Variants in BRF1 observed in about 807,000 individuals in gnomAD.
BRF1 encodes transcription factor IIIB 90 kDa subunit.
A neutral mutation model predicts 81.7 loss-of-function variants in BRF1; 59 were observed. The observed-to-expected ratio is 0.72, with a 90% CI of 0.59 to 0.90. The LOEUF (loss-of-function observed/expected upper bound fraction) is 0.90. Among genes scored for constraint, BRF1 ranks in the 40% least tolerant of loss-of-function variants. The pLI is 0.00. For missense variants in BRF1, 1,050 were observed against 936.3 expected (o/e 1.12, Z -1.58); for synonymous variants, 491 against 395.6 (o/e 1.24, Z -2.86).
In BRF1 at chr14:105,221,924, C is replaced by T; in HGVS notation, c.1049-10G>A. ...GTGTCCTCGGTGGAGCCTAGGTGTA[C>T]ACAATCCACCTGTTAACCAGGCAGA... On this transcript the variant is annotated splice_polypyrimidine_tract_variant and intron_variant, in intron 10 of 17. Coordinates refer to ENST00000547530, the MANE Select transcript of BRF1 (RefSeq NM_001519.4). 6.4e-7 allele frequency: 1 copy of T among 1,560,996 alleles called. No individual in the cohort carries two copies. The highest frequency in any genetic ancestry group is 8.6e-7 in the Non-Finnish European group (1 of 1,158,448).
chr14:105,219,207 C>A lies in BRF1; in HGVS notation c.1403G>T (p.Arg468Leu), dbSNP rs758618155. Residue 468 changes from arginine to leucine, a missense_variant, in exon 13 of 18, where the codon CGC becomes CTC. By Grantham distance (102) the Arg-to-Leu change is moderately radical. Transcript: ENST00000547530. ...DRYILNESEARVKAELWMREN... is the reference protein window; with the variant it reads ...DRYILNESEALVKAELWMREN... ...CCTCATCCACAGCTCGGCCTTCACG[C>A]GGGCTTCCGACTCATTCAGGATGTA... The A allele has an allele frequency of 6.2e-7, 1 of 1,612,560 alleles. No homozygotes were observed. The highest frequency in any genetic ancestry group is 8.5e-7 in the Non-Finnish European group (1 of 1,178,994).
chr14:105,215,246 CAG>C (rs1323792389), intron 15 of BRF1, among the ~76,000 whole-genome samples: 1 of 151,830 alleles, frequency 6.6e-6, no homozygotes, highest in Non-Finnish European at 1.5e-5. Flanking sequence ...CAGAGAAACA[CAG>C]TGTATACAGA....
chr14:105,228,851 C>A lies in BRF1; in HGVS notation c.757G>T (p.Val253Phe). The change falls in exon 7 of 18, where the codon GTC becomes TTC. Residue 253 changes from valine to phenylalanine, a missense_variant. By Grantham distance (50) the Val-to-Phe change is conservative (BLOSUM62 -1). Around this residue, in one of 2 missense-constraint regions of BRF1, gnomAD observed 1,043 missense variants for 915.4 expected, o/e 1.14. Transcript: ENST00000547530. Reference protein sequence around the residue: ...RRTVKEVISVVKVCESTLRKR... With the variant: ...RRTVKEVISVFKVCESTLRKR... ...CGCAGCGTGGACTCACACACTTTGA[C>A]CACACTGATGACCTCCTTCACAGTC... 3 of 1,613,926 alleles carry A rather than the reference C, an allele frequency of 1.9e-6. No individual in the cohort carries two copies. The highest frequency in any genetic ancestry group is 2.5e-6 in the Non-Finnish European group (3 of 1,180,010).
At chr14:105,249,451 A>G in intron 5 of BRF1, 1 of 1,612,798 alleles carries the variant, frequency 6.2e-7, no homozygotes, top group East Asian at 2.2e-5. Flanking sequence ...CCAGACGTGG[A>G]GCCCGCAGCC....
chr14:105,261,377 C>G (rs1470782462), intron 3 of BRF1, among the ~76,000 whole-genome samples: 1 of 152,214 alleles, frequency 6.6e-6, no homozygotes. Flanking sequence ...CACCCCACTG[C>G]TGTGCCATCA....
chr14:105,221,348 C>T (rs1359880202), intron 11 of BRF1, among the ~76,000 whole-genome samples: 1 of 152,204 alleles, frequency 6.6e-6, no homozygotes, highest in Non-Finnish European at 1.5e-5. Flanking sequence ...CCATGGGACT[C>T]CTGGACACAA....
chr14:105,260,566 G>T (rs928533543), intron 3 of BRF1, among the ~76,000 whole-genome samples: 5 of 151,930 alleles, frequency 3.3e-5, no homozygotes, highest in Non-Finnish European at 7.4e-5. Flanking sequence ...AGTAGAGATG[G>T]GGTTTCACCA....
At chr14:105,280,124 G>A (rs1043346750) in intron 2 of BRF1, among the ~76,000 whole-genome samples, 1 of 152,176 alleles carries the variant, frequency 6.6e-6, no homozygotes, top group African/African-American at 2.4e-5. Context: ...ACTCATAATC[G>A]CCCAAGCCCA....
intron 4 of BRF1, 196 bp downstream of exon 4, chr14:105,256,322 C>T (rs746247422): frequency 4.1e-5 from 64 of 1,549,272 alleles, no homozygotes; most frequent in Non-Finnish European, 5.5e-5. Flanking sequence ...CCCACACTCC[C>T]ACAAGTCTCG....
chr14:105,282,935 AAAAC>A (rs587681186), intron 2 of BRF1, among the ~76,000 whole-genome samples: 6 of 152,296 alleles, frequency 3.9e-5, no homozygotes, highest in South Asian at 4.1e-4. Context: ...TCCATCTCAA[AAAAC>A]AAACAAACAA....
At chr14:105,224,736 T>C (rs1401575202) in intron 10 of BRF1, among the ~76,000 whole-genome samples, 2 of 152,170 alleles carry the variant, frequency 1.3e-5, no homozygotes, top group Non-Finnish European at 2.9e-5. Flanking sequence ...TTTGTAGAGA[T>C]GGGGTCTCAC....
At chr14:105,278,598 G>C (rs2056939683) in intron 2 of BRF1, among the ~76,000 whole-genome samples, 1 of 151,996 alleles carries the variant, frequency 6.6e-6, no homozygotes. Flanking sequence ...GATATACTGG[G>C]ACTTCATTAT....
intron 5 of BRF1, among the ~76,000 whole-genome samples, chr14:105,244,323 T>C (rs2054925988): frequency 6.6e-6 from 1 of 151,096 alleles, no homozygotes; most frequent in Non-Finnish European, 1.5e-5. Context: ...GCATACCTGT[T>C]GTCTCAGCTA....
At chr14:105,215,283 T>C (rs587714137) in intron 15 of BRF1, among the ~76,000 whole-genome samples, 43 of 151,030 alleles carry the variant, frequency 2.8e-4, no homozygotes, top group African/African-American at 9.3e-4. Context: ...CACGTGTACA[T>C]AGAGACAAAG....
At chr14:105,248,892 C>A in intron 5 of BRF1, 2 of 988,548 alleles carry the variant, frequency 2.0e-6, no homozygotes, top group South Asian at 9.0e-5. Flanking sequence ...ACTCTACGCT[C>A]CCGCCAGCGC....
chr14:105,298,518 G>T (rs2057832487), intron 1 of BRF1, among the ~76,000 whole-genome samples: 1 of 152,184 alleles, frequency 6.6e-6, no homozygotes, highest in Non-Finnish European at 1.5e-5. Flanking sequence ...GATAAACAAT[G>T]AGCCTCAGCC....
chr14:105,227,120 A>T (rs1272122526), intron 7 of BRF1: 1 of 247,028 alleles, frequency 4.0e-6, no homozygotes, highest in African/African-American at 2.4e-5. Flanking sequence ...TGTCTCAAAA[A>T]ATACATAAAA....
chr14:105,219,592 G>A (rs1202156303), intron 12 of BRF1: 4 of 450,686 alleles, frequency 8.9e-6, no homozygotes, highest in Non-Finnish European at 1.6e-5. Flanking sequence ...CAGGCTGGAG[G>A]GGTCTGAGGC....
intron 5 of BRF1, chr14:105,250,699 A>C (rs759832575): frequency 1.3e-6 from 2 of 1,587,050 alleles, no homozygotes; most frequent in South Asian, 2.3e-5. Flanking sequence ...GCAGCAGGTC[A>C]GCGAGTGAGT....
Sources: allele counts gnomAD v4.1 joint callset (sites outside exome capture counted in the v4.1 genomes callset), GRCh38; gene constraint gnomAD v4.1.1; regional missense constraint gnomAD v4.1.1; transcripts MANE v1.5; gene names NCBI Gene and HGNC (gene_info 2026-07-23, HGNC 2026-07-21).